The following CSMD1 variants were observed in gnomAD, a reference collection of about 807,000 sequenced individuals.
CSMD1 encodes CUB and sushi domain-containing protein 1.
Under a neutral mutation model 417.5 loss-of-function variants are expected in CSMD1, and 213 were observed. The ratio of observed to expected loss-of-function variants is 0.51; its 90% CI spans 0.46 to 0.57. CSMD1 has a LOEUF of 0.57. Ranked by LOEUF, CSMD1 falls within the 20% of genes least tolerant of loss-of-function variation. The pLI is 0.00. For synonymous variants in CSMD1, 2,862 were observed against 1,736.8 expected (o/e 1.65, Z -16.11); for missense variants, 6,923 against 4,529.7 (o/e 1.53, Z -15.17).
At chr8:4,621,438 C>T (rs1398226980) in intron 2 of CSMD1, among the ~76,000 whole-genome samples, 1 of 152,062 alleles carries the variant, frequency 6.6e-6, no homozygotes, top group East Asian at 1.9e-4. Flanking sequence ...ACTGTACCTA[C>T]ACATTTAAAA....
At chr8:3,712,967 C>A (rs1197983861) in intron 6 of CSMD1, among the ~76,000 whole-genome samples, 1 of 152,016 alleles carries the variant, frequency 6.6e-6, no homozygotes, top group Non-Finnish European at 1.5e-5. Context: ...GTATTGTGTG[C>A]TTCAAAGGTG....
intron 3 of CSMD1, among the ~76,000 whole-genome samples, chr8:4,134,550 C>G (rs1803303293): frequency 6.6e-6 from 1 of 152,220 alleles, no homozygotes; most frequent in Non-Finnish European, 1.5e-5. Context: ...GCCACCTAGT[C>G]TGTGGCACAT....
intron 26 of CSMD1, among the ~76,000 whole-genome samples, chr8:3,234,532 T>C (rs1326563737): frequency 6.6e-6 from 1 of 152,150 alleles, no homozygotes; most frequent in Non-Finnish European, 1.5e-5. Flanking sequence ...GGTTTTTCAA[T>C]GGAAAGAGAG....
intron 2 of CSMD1, among the ~76,000 whole-genome samples, chr8:4,636,186 CTA>C (rs950135397): frequency 3.6e-4 from 54 of 151,956 alleles, no homozygotes; most frequent in African/African-American, 1.2e-3. Flanking sequence ...CATCAGTAAT[CTA>C]TATAAGTTAA....
rs112021226 is a variant in CSMD1, at chr8:3,255,976, A to G, written c.4154-25745T>C. Among the ~76,000 whole-genome samples the G allele has an allele frequency of 2.9e-3, 442 of 152,170 alleles. 2 individuals carry two copies. The highest frequency in any genetic ancestry group is 0.01 in the African/African-American group (421 of 41,518). ...GCATCGTTCATGCTGGGAGCTGTAG[A>G]CTGGAGCTGTTCCTATTCGGCCATC... On this transcript the variant is annotated intron_variant, in intron 26 of 69. Coordinates refer to ENST00000635120, the MANE Select transcript of CSMD1 (RefSeq NM_033225.6).
intron 5 of CSMD1, among the ~76,000 whole-genome samples, chr8:3,868,666 G>A (rs1269245638): frequency 6.6e-6 from 1 of 152,118 alleles, no homozygotes; most frequent in Non-Finnish European, 1.5e-5. Context: ...TCATACCTCT[G>A]CAATCTTTCC....
intron 1 of CSMD1, among the ~76,000 whole-genome samples, chr8:4,754,259 T>C (rs1811527071): frequency 6.6e-6 from 1 of 152,074 alleles, no homozygotes; most frequent in African/African-American, 2.4e-5. Context: ...GAAAATAAGA[T>C]TGACTAAGAA....
intron 5 of CSMD1, among the ~76,000 whole-genome samples, chr8:3,772,484 TATACACATATATAC>T (rs879775643): frequency 0.14 from 7,180 of 50,226 alleles, 1,693 homozygotes; most frequent in East Asian, 0.16. Context: ...TATATACATA[TATACACATATATAC>T]ATATATACAC....
At chr8:4,785,304 C>T (rs540636224) in intron 1 of CSMD1, among the ~76,000 whole-genome samples, 1 of 152,110 alleles carries the variant, frequency 6.6e-6, no homozygotes, top group Non-Finnish European at 1.5e-5. Context: ...GGGCAAGTTA[C>T]TGGGGTGCAA....
intron 23 of CSMD1, among the ~76,000 whole-genome samples, chr8:3,319,760 C>T (rs996746633): frequency 6.6e-6 from 1 of 152,088 alleles, no homozygotes; most frequent in Non-Finnish European, 1.5e-5. Context: ...AGGAACACGT[C>T]AGCCGGGCTA....
chr8:3,954,304 A>G (rs1195315328), intron 5 of CSMD1, among the ~76,000 whole-genome samples: 1 of 152,200 alleles, frequency 6.6e-6, no homozygotes. Flanking sequence ...GGGAGAGACC[A>G]GGGCATGCAC....
At chr8:3,650,071 G>A (rs780794014) in intron 7 of CSMD1, among the ~76,000 whole-genome samples, 2 of 152,172 alleles carry the variant, frequency 1.3e-5, no homozygotes, top group African/African-American at 4.8e-5. Context: ...TTGAGGTCAA[G>A]AGTTTGAGAC....
At chr8:4,080,376 C>T (rs1290855174) in intron 3 of CSMD1, among the ~76,000 whole-genome samples, 1 of 152,170 alleles carries the variant, frequency 6.6e-6, no homozygotes, top group African/African-American at 2.4e-5. Flanking sequence ...AAACAGGTAT[C>T]AGAATTCTAC....
At chr8:4,626,060 T>A (rs1316939047) in intron 2 of CSMD1, among the ~76,000 whole-genome samples, 3 of 152,278 alleles carry the variant, frequency 2.0e-5, no homozygotes, top group Middle Eastern at 3.4e-3. Context: ...ATCACGGACT[T>A]GTAAGAACTG....
chr8:4,223,232 C>A (rs1450071415), intron 3 of CSMD1, among the ~76,000 whole-genome samples: 1 of 152,102 alleles, frequency 6.6e-6, no homozygotes, highest in Admixed American at 6.5e-5. Context: ...ATCTTTGCTT[C>A]TTGAACATTT....
At chr8:3,510,777 G>A (rs944654668) in intron 10 of CSMD1, among the ~76,000 whole-genome samples, 1 of 151,734 alleles carries the variant, frequency 6.6e-6, no homozygotes, top group African/African-American at 2.4e-5. Flanking sequence ...GAGCTTTTTT[G>A]CCTATGTTTA....
At position 3,031,494 on chromosome 8, in the gene CSMD1, T is replaced by G. The variant is rs140351836; in HGVS notation, c.7661-1981A>C. ...ATAAAAAAAAATTATTTTTAATAAC[T>G]TGAACTATCTTTTACAAACTTTATT... On this transcript the variant is annotated intron_variant, in intron 50 of 69. Transcript: ENST00000635120. Among the ~76,000 whole-genome samples, 230 of 152,252 alleles carry G rather than the reference T, an allele frequency of 1.5e-3. 2 individuals are homozygous for G. The highest frequency in any genetic ancestry group is 5.1e-3 in the African/African-American group (210 of 41,560).
chr8:3,088,722 C>T (rs1278073638), intron 48 of CSMD1, among the ~76,000 whole-genome samples: 3 of 151,866 alleles, frequency 2.0e-5, no homozygotes, highest in East Asian at 3.9e-4. Flanking sequence ...CCATGTTCTA[C>T]CTCCAGTTAT....
intron 1 of CSMD1, among the ~76,000 whole-genome samples, chr8:4,956,111 C>T (rs988150041): frequency 6.6e-6 from 1 of 152,138 alleles, no homozygotes; most frequent in East Asian, 1.9e-4. Flanking sequence ...ACCCTAAGAA[C>T]TGCTAATTAC....
Sources: gnomAD v4.1 joint callset for allele counts (sites outside exome capture counted in the v4.1 genomes callset) on GRCh38, gnomAD v4.1.1 for gene constraint, MANE v1.5 for transcripts, NCBI Gene and HGNC (gene_info 2026-07-23, HGNC 2026-07-21) for gene names.